NIM1K: variants seen among roughly 807,000 people sequenced by gnomAD.
NIM1K encodes serine/threonine-protein kinase NIM1.
In NIM1K, 35 loss-of-function variants were observed where a neutral mutation model predicts 37.1. The observed-to-expected ratio is 0.94, with a 90% confidence interval of 0.72 to 1.25. The LOEUF is 1.25. Ranked by LOEUF, NIM1K falls within the 50% of genes most tolerant of loss-of-function variation. NIM1K has a pLI of 0.00. For missense variants in NIM1K, 564 were observed against 548.0 expected, an observed-to-expected ratio of 1.03 and a Z score of -0.29; for synonymous variants, 234 against 206.6, an observed-to-expected ratio of 1.13 and a Z score of -1.14.
At chr5:43,257,076 G>T (rs1394635590) in intron 2 of NIM1K, among the ~76,000 whole-genome samples, 2 of 152,092 alleles carry the variant, frequency 1.3e-5, no homozygotes, top group Non-Finnish European at 2.9e-5. Flanking sequence ...CAGGTATCCA[G>T]CATTGAAAAG....
intron 1 of NIM1K, among the ~76,000 whole-genome samples, chr5:43,228,532 T>C (rs1752492806): frequency 6.6e-6 from 1 of 152,084 alleles, no homozygotes; most frequent in South Asian, 2.1e-4. Flanking sequence ...CCAGTTTAAA[T>C]TTATTTTCCC....
intron 1 of NIM1K, among the ~76,000 whole-genome samples, chr5:43,238,952 G>C (rs1455957373): frequency 8.5e-6 from 1 of 116,982 alleles, no homozygotes; most frequent in Non-Finnish European, 1.7e-5. Flanking sequence ...GGAGGGAAAG[G>C]CTGGCGGGGG....
chr5:43,202,600 GC>G (rs1311151850), intron 1 of NIM1K, among the ~76,000 whole-genome samples: 1 of 152,206 alleles, frequency 6.6e-6, no homozygotes, highest in African/African-American at 2.4e-5. Context: ...TCGGCTTGGA[GC>G]CTCAGGTTAA....
chr5:43,242,538 G>C (rs1055962464), intron 1 of NIM1K, among the ~76,000 whole-genome samples: 16 of 151,882 alleles, frequency 1.1e-4, no homozygotes, highest in Non-Finnish European at 2.1e-4. Context: ...ACCTCCACAA[G>C]AAGATGGGGC....
Position 43,245,435 on chromosome 5 carries a change from G to A in NIM1K, c.-341G>A, listed in dbSNP as rs1422118747. On this transcript the variant is annotated 5_prime_UTR_variant, in exon 2 of 4. Transcript: ENST00000326035. ...CACAGCCACCTACCACAAAGCATCA[G>A]ACTCCACGTCTGGCCAGAAAGTTCC... 5.0e-6 allele frequency: 1 copy of A among 198,920 alleles called. No homozygotes were observed. The highest frequency in any genetic ancestry group is 1.0e-5 in the Non-Finnish European group (1 of 99,196). 12.3% of individuals were successfully genotyped at this position (198,920 alleles called of 1,614,324 possible).
intron 1 of NIM1K, among the ~76,000 whole-genome samples, chr5:43,195,853 G>A (rs1279240231): frequency 6.6e-6 from 1 of 152,118 alleles, no homozygotes; most frequent in Non-Finnish European, 1.5e-5. Flanking sequence ...ACTGTAAGGA[G>A]AAAGCAGATT....
intron 1 of NIM1K, chr5:43,233,304 G>T: frequency 4.4e-5 from 16 of 365,888 alleles, no homozygotes; most frequent in Non-Finnish European, 5.0e-5. Context: ...TAAGGCAAGA[G>T]TGACACTTAA....
intron 1 of NIM1K, among the ~76,000 whole-genome samples, chr5:43,216,029 C>G (rs1752295302): frequency 6.6e-6 from 1 of 151,386 alleles, no homozygotes; most frequent in Admixed American, 6.6e-5. Flanking sequence ...TGTTTCCTAT[C>G]ATGATGAATA....
At chr5:43,267,044 G>A (rs758163954) in intron 2 of NIM1K, among the ~76,000 whole-genome samples, 2 of 152,140 alleles carry the variant, frequency 1.3e-5, no homozygotes, top group Middle Eastern at 6.8e-3. Flanking sequence ...TTCTTTGACT[G>A]TCTGGTAGAA....
chr5:43,255,685 G>A (rs1752932625), intron 2 of NIM1K, among the ~76,000 whole-genome samples: 1 of 150,526 alleles, frequency 6.6e-6, no homozygotes, highest in South Asian at 2.1e-4. Flanking sequence ...GGAGGGGGAG[G>A]TGGCAGTGAG....
intron 1 of NIM1K, chr5:43,192,726 A>G (rs556082294): frequency 6.6e-6 from 1 of 151,870 alleles, no homozygotes; most frequent in South Asian, 2.1e-4. Flanking sequence ...GCCCATGTCT[A>G]TGTGCGCGCG....
chr5:43,250,035 G>A (rs1417034088), intron 2 of NIM1K, among the ~76,000 whole-genome samples: 1 of 151,592 alleles, frequency 6.6e-6, no homozygotes, highest in Non-Finnish European at 1.5e-5. Flanking sequence ...TGTATTTTTA[G>A]TAGAGACGGG....
chr5:43,214,307 A>G (rs971714333), intron 1 of NIM1K, among the ~76,000 whole-genome samples: 3 of 126,996 alleles, frequency 2.4e-5, no homozygotes, highest in Admixed American at 7.5e-5. Flanking sequence ...GCAAAACAAT[A>G]TCATCATCAA....
At chr5:43,237,570 T>G (rs1174264416) in intron 1 of NIM1K, among the ~76,000 whole-genome samples, 1 of 152,234 alleles carries the variant, frequency 6.6e-6, no homozygotes, top group Non-Finnish European at 1.5e-5. Context: ...TTGCTTAGCT[T>G]TCAACATTAT....
intron 1 of NIM1K, among the ~76,000 whole-genome samples, chr5:43,194,521 C>T (rs1027544330): frequency 6.6e-6 from 1 of 152,114 alleles, no homozygotes; most frequent in African/African-American, 2.4e-5. Context: ...ATCTGAATTC[C>T]CCAGTAATAA....
chr5:43,276,428 T>C (rs772339944), intron 2 of NIM1K, among the ~76,000 whole-genome samples: 15 of 152,210 alleles, frequency 9.9e-5, no homozygotes, highest in Non-Finnish European at 2.1e-4. Context: ...AGCTCACTTA[T>C]CACTAAGGAG....
Position 43,245,599 on chromosome 5 carries a change from C to T in NIM1K, c.-177C>T. On this transcript the variant is annotated 5_prime_UTR_variant, in exon 2 of 4. Coordinates refer to ENST00000326035, the MANE Select transcript of NIM1K (RefSeq NM_153361.4). ...GGCTGGGCTGGGCAGACTCAGCTAC[C>T]ACGTTCACTGCCTTCCTCTCACTAA... 2 of 582,564 alleles carry T rather than the reference C, an allele frequency of 3.4e-6. No individual in the cohort carries two copies. The highest frequency in any genetic ancestry group is 3.0e-6 in the Non-Finnish European group (1 of 338,728). 36.1% of individuals were successfully genotyped at this position (582,564 alleles called of 1,614,324 possible).
In NIM1K at chr5:43,280,801, A is replaced by T. The variant is rs1753432327; in HGVS notation, c.*72A>T. ...CTAAATTTTTTTCAAGGACAACTTG[A>T]GTGGAGACATTTTTGTAATTTTTAA... On this transcript the variant is annotated 3_prime_UTR_variant, in exon 4 of 4. Coordinates refer to ENST00000326035, the MANE Select transcript of NIM1K (RefSeq NM_153361.4). The T allele has an allele frequency of 7.3e-7, 1 of 1,364,492 alleles. No individual in the cohort carries two copies. The highest frequency in any genetic ancestry group is 9.8e-7 in the Non-Finnish European group (1 of 1,015,586). The allele number at this position is 1,364,492 out of a possible 1,614,324, so 84.5% of individuals were successfully genotyped here.
intron 1 of NIM1K, among the ~76,000 whole-genome samples, chr5:43,237,219 A>C (rs1752635237): frequency 6.6e-6 from 1 of 152,260 alleles, no homozygotes; most frequent in Non-Finnish European, 1.5e-5. Context: ...AGTTAAACTC[A>C]GAGAGAACAA....
Sources: gnomAD v4.1 joint callset for allele counts (sites outside exome capture counted in the v4.1 genomes callset) on GRCh38, gnomAD v4.1.1 for gene constraint, MANE v1.5 for transcripts, NCBI Gene and HGNC (gene_info 2026-07-23, HGNC 2026-07-21) for gene names.